Variants in DACH2 observed in about 807,000 individuals in gnomAD.
The protein encoded by DACH2 is dachshund family transcription factor 2.
In DACH2, 17 loss-of-function variants were observed where a neutral mutation model predicts 35.8. The observed-to-expected ratio is 0.48, with a 90% CI of 0.33 to 0.71. DACH2 has a LOEUF of 0.71. DACH2 is among the 30% of genes least tolerant of loss of function. The pLI is 0.02. For synonymous variants in DACH2, 195 were observed against 177.3 expected (o/e 1.10, Z -0.79); for missense variants, 469 against 472.7 (o/e 0.99, Z 0.07).
intron 3 of DACH2, among the ~76,000 whole-genome samples, chrX:86,598,216 T>C (rs1306293788): frequency 8.9e-6 from 1 of 112,026 alleles, no homozygotes; most frequent in Admixed American, 9.5e-5. Context: ...AATTATTACA[T>C]CTTCCTGATA....
intron 3 of DACH2, among the ~76,000 whole-genome samples, chrX:86,570,151 T>C (rs147777630): frequency 9.0e-5 from 10 of 111,731 alleles, no homozygotes; most frequent in African/African-American, 3.2e-4. Flanking sequence ...AATATAAATT[T>C]ATTCAACTAT....
rs2041130432 is a variant in DACH2, at chrX:86,700,573, AAAT to A, written c.931+5400_931+5402del. Among the ~76,000 whole-genome samples the A allele has an allele frequency of 3.6e-5, 4 of 110,975 alleles. No individual in the cohort carries two copies. The East Asian group carries it at 1.1e-3, about 31-fold the overall frequency. ...AATCCATGATTTTGTTCTTTGAAAA[AAAT>A]AATAAGATAACATAAACCACTAACT... On this transcript the variant is annotated intron_variant, in intron 5 of 11. Coordinates refer to ENST00000373125, the MANE Select transcript of DACH2 (RefSeq NM_053281.3).
At chrX:86,549,144 G>A (rs963985675) in intron 3 of DACH2, among the ~76,000 whole-genome samples, 1 of 111,587 alleles carries the variant, frequency 9.0e-6, no homozygotes, top group South Asian at 3.7e-4. Flanking sequence ...TATGTCACAT[G>A]TTAGATGTCA....
In DACH2 at chrX:86,813,106, A is replaced by C. The variant is rs777989505; in HGVS notation, c.1390-24A>C. ...AATTAAAACAGATAAGATGAACTGC[A>C]TGTCATTTCCTGTACCTTGACAGGG... is the stretch of plus-strand genomic sequence containing the variant. On this transcript the variant is annotated intron_variant, in intron 8 of 11. Transcript: ENST00000373125. 156 of 1,195,828 alleles carry C rather than the reference A, an allele frequency of 1.3e-4. 2 individuals are homozygous for C. The Middle Eastern group carries it at 4.6e-3, about 36-fold the overall frequency.
At chrX:86,425,493 A>G (rs1306400980) in intron 2 of DACH2, among the ~76,000 whole-genome samples, 1 of 110,603 alleles carries the variant, frequency 9.0e-6, no homozygotes, top group Non-Finnish European at 1.9e-5. Context: ...GCCACTAATG[A>G]TCCTTTGAGT....
At chrX:86,452,638 G>T (rs1428156769) in intron 2 of DACH2, among the ~76,000 whole-genome samples, 1 of 111,580 alleles carries the variant, frequency 9.0e-6, no homozygotes, top group Non-Finnish European at 1.9e-5. Flanking sequence ...TTCTGTGATG[G>T]TTGTTTGCAT....
chrX:86,513,077 A>G (rs993993534), intron 2 of DACH2, among the ~76,000 whole-genome samples: 2 of 111,871 alleles, frequency 1.8e-5, no homozygotes, highest in Admixed American at 1.9e-4. Flanking sequence ...ACCTCCGTGT[A>G]AGGTTGCTAG....
intron 2 of DACH2, among the ~76,000 whole-genome samples, chrX:86,507,716 G>A (rs1483716262): frequency 1.8e-5 from 2 of 111,829 alleles, no homozygotes; most frequent in East Asian, 2.8e-4. Flanking sequence ...AAATCATTTA[G>A]ACTTTATTTT....
At position 86,656,173 on chromosome X, in the gene DACH2, A is replaced by G. The variant is rs749861934; in HGVS notation, c.772+5006A>G. ...AATAGTGATTCTCAGAGACCTCAGG[A>G]CATTTCTAGGAGTTGGGTAAGAATT... On this transcript the variant is annotated intron_variant, in intron 4 of 11. Coordinates refer to ENST00000373125, the MANE Select transcript of DACH2 (RefSeq NM_053281.3). 7.2e-5 allele frequency among the ~76,000 whole-genome samples: 8 copies of G among 110,960 alleles called. No individual in the cohort carries two copies. In the Admixed American group the frequency reaches 7.7e-4, roughly 11 times the overall value.
At chrX:86,237,479 A>G (rs922555045) in intron 1 of DACH2, among the ~76,000 whole-genome samples, 1 of 111,240 alleles carries the variant, frequency 9.0e-6, no homozygotes, top group Non-Finnish European at 1.9e-5. Flanking sequence ...AAATCATGAC[A>G]CATCGACAGC....
chrX:86,656,368 T>C (rs865824303), intron 4 of DACH2, among the ~76,000 whole-genome samples: 1 of 111,176 alleles, frequency 9.0e-6, no homozygotes, highest in African/African-American at 3.3e-5. Flanking sequence ...CAACCTCTCA[T>C]ACTACAGATG....
At chrX:86,736,524 ATTAG>A (rs999310891) in intron 6 of DACH2, among the ~76,000 whole-genome samples, 18 of 111,459 alleles carry the variant, frequency 1.6e-4, no homozygotes, top group African/African-American at 5.5e-4. Context: ...TTTTCTTAAT[ATTAG>A]TTAATATCAA....
At chrX:86,553,911 A>G (rs761112170) in intron 3 of DACH2, among the ~76,000 whole-genome samples, 1 of 111,182 alleles carries the variant, frequency 9.0e-6, no homozygotes, top group African/African-American at 3.3e-5. Context: ...ACTCCACAAC[A>G]CATGTCTGAG....
At chrX:86,734,321 T>C (rs1368450492) in intron 6 of DACH2, among the ~76,000 whole-genome samples, 1 of 110,863 alleles carries the variant, frequency 9.0e-6, no homozygotes, top group Non-Finnish European at 1.9e-5. Flanking sequence ...TATTATCTCC[T>C]CTAATTCGGG....
intron 5 of DACH2, among the ~76,000 whole-genome samples, 174 bp from the exon 6 acceptor site, chrX:86,714,374 T>G (rs1248730256): frequency 8.9e-6 from 1 of 111,932 alleles, no homozygotes; most frequent in Non-Finnish European, 1.9e-5. Context: ...AGGAAGATTT[T>G]TAAAATGATT....
intron 2 of DACH2, among the ~76,000 whole-genome samples, chrX:86,499,741 G>T (rs1287281231): frequency 9.0e-6 from 1 of 110,679 alleles, no homozygotes; most frequent in Non-Finnish European, 1.9e-5. Flanking sequence ...AATTGTAATG[G>T]TTTTATCTTC....
chrX:86,203,474 T>C (rs764910682), intron 1 of DACH2, among the ~76,000 whole-genome samples: 9 of 111,568 alleles, frequency 8.1e-5, no homozygotes, highest in Admixed American at 2.9e-4. Flanking sequence ...ATTGACTTAT[T>C]TATTTTTTAC....
chrX:86,248,815 C>A (rs1169193660), intron 1 of DACH2, among the ~76,000 whole-genome samples: 1 of 111,037 alleles, frequency 9.0e-6, no homozygotes, highest in South Asian at 3.8e-4. Flanking sequence ...CTACAGTAAC[C>A]AAAACAGCGT....
chrX:86,225,150 A>T (rs1294839046), intron 1 of DACH2, among the ~76,000 whole-genome samples: 4 of 109,114 alleles, frequency 3.7e-5, no homozygotes, highest in Non-Finnish European at 5.9e-5. Flanking sequence ...TGAACACTCT[A>T]AAATGAGAGC....
Sources: gnomAD v4.1 joint callset for allele counts (sites outside exome capture counted in the v4.1 genomes callset) on GRCh38, gnomAD v4.1.1 for gene constraint, MANE v1.5 for transcripts, NCBI Gene and HGNC (gene_info 2026-07-23, HGNC 2026-07-21) for gene names.